APBB2: variants seen among roughly 807,000 people sequenced by gnomAD.
APBB2 encodes the protein amyloid beta precursor protein binding family B member 2.
APBB2 carries 38 observed loss-of-function variants against 82.5 expected under a neutral mutation model. The observed-to-expected ratio is 0.46, with a 90% confidence interval of 0.36 to 0.60. The LOEUF (loss-of-function observed/expected upper bound fraction) is 0.60, where lower values mean the gene tolerates loss of function less well. APBB2 is among the 20% of genes least tolerant of loss of function. APBB2 has a pLI of 0.00. For synonymous variants in APBB2, 341 were observed against 368.2 expected (o/e 0.93, Z 0.85); for missense variants, 772 against 972.3 (o/e 0.79, Z 2.74).
intron 12 of APBB2, among the ~76,000 whole-genome samples, chr4:40,888,833 G>A (rs1021311553): frequency 1.5e-5 from 2 of 135,338 alleles, no homozygotes; most frequent in African/African-American, 5.6e-5. Flanking sequence ...TCGCTCCTGC[G>A]TCGCACACGT....
chr4:40,852,654 T>G (rs949228092), intron 12 of APBB2, among the ~76,000 whole-genome samples: 11 of 152,076 alleles, frequency 7.2e-5, no homozygotes, highest in Non-Finnish European at 1.3e-4. Context: ...CTTTTTTTTT[T>G]TTCTGAGACA....
Position 40,930,904 on chromosome 4 carries a change from T to C in APBB2, c.1254+3552A>G, listed in dbSNP as rs915049985. ...CTGGGACTACAGGCGCCCACCACCA[T>C]GCCCAGCTAATTTTCTGTATTTTTA... On this transcript the variant is annotated intron_variant, in intron 10 of 17. Transcript: ENST00000508593. Among the ~76,000 whole-genome samples, 12 of 152,130 alleles carry C rather than the reference T, an allele frequency of 7.9e-5. No individual in the cohort carries two copies. The East Asian group carries it at 2.1e-3, about 27-fold the overall frequency.
chr4:40,838,417 C>T (rs1754742554), intron 12 of APBB2, among the ~76,000 whole-genome samples: 1 of 144,584 alleles, frequency 6.9e-6, no homozygotes, highest in East Asian at 2.0e-4. Flanking sequence ...CTCACTGCAA[C>T]CTCCGCCTCC....
intron 4 of APBB2, among the ~76,000 whole-genome samples, chr4:41,036,594 A>AT (rs1163416735): frequency 6.6e-6 from 1 of 152,320 alleles, no homozygotes; most frequent in East Asian, 1.9e-4. Context: ...TTACTCACAT[A>AT]AATAAGTTCT....
At chr4:40,987,525 T>A (rs545882167) in intron 6 of APBB2, among the ~76,000 whole-genome samples, 111 of 152,324 alleles carry the variant, frequency 7.3e-4, no homozygotes, top group Non-Finnish European at 1.1e-3. Flanking sequence ...TTTTTTAGAT[T>A]TGACCTTTCA....
At chr4:40,902,788 C>T (rs1056605899) in intron 10 of APBB2, among the ~76,000 whole-genome samples, 3 of 152,120 alleles carry the variant, frequency 2.0e-5, no homozygotes, top group South Asian at 2.1e-4. Context: ...CCTTGGCATC[C>T]GAAAGTGCTG....
intron 12 of APBB2, among the ~76,000 whole-genome samples, chr4:40,858,161 T>C (rs949147784): frequency 1.3e-5 from 2 of 152,062 alleles, no homozygotes; most frequent in Admixed American, 1.3e-4. Flanking sequence ...ATTGGCTAAG[T>C]GACAGCACTT....
In APBB2 at chr4:40,982,386, G is replaced by A. The variant is rs1301681028; in HGVS notation, c.835+31197C>T. Among the ~76,000 whole-genome samples, 54 of 9,174 alleles carry A rather than the reference G, an allele frequency of 5.9e-3. 2 individuals are homozygous for A. Among genetic ancestry groups the A allele is most frequent in the Admixed American group, 9.0e-3 (6 of 668 alleles). 6.0% of individuals were successfully genotyped at this position (9,174 alleles called of 152,430 possible). On this transcript the variant is annotated intron_variant, in intron 6 of 17. Coordinates refer to ENST00000508593, the MANE Select transcript of APBB2 (RefSeq NM_004307.2). ...AGGAAGGAAGGAAGGAAGGAAGGAA[G>A]GAAGGAAAGGAAAGGAAAGAAAGAA...
chr4:41,167,774 T>G (rs555085673), intron 1 of APBB2, among the ~76,000 whole-genome samples: 3 of 151,992 alleles, frequency 2.0e-5, no homozygotes, highest in African/African-American at 7.2e-5. Flanking sequence ...GCTCAAAGCT[T>G]AGGAACAATA....
chr4:40,852,682 C>G (rs1759866265), intron 12 of APBB2, among the ~76,000 whole-genome samples: 1 of 151,924 alleles, frequency 6.6e-6, no homozygotes, highest in African/African-American at 2.4e-5. Flanking sequence ...TCTCTGTCAC[C>G]CAGGCTGGAG....
intron 3 of APBB2, among the ~76,000 whole-genome samples, chr4:41,080,472 A>C (rs1253409283): frequency 4.6e-5 from 7 of 152,226 alleles, no homozygotes; most frequent in Non-Finnish European, 1.0e-4. Context: ...GACGGCTTTC[A>C]TGACAAAGAA....
At chr4:41,132,428 T>C (rs1756312090) in intron 2 of APBB2, among the ~76,000 whole-genome samples, 1 of 152,254 alleles carries the variant, frequency 6.6e-6, no homozygotes, top group African/African-American at 2.4e-5. Context: ...CCTGGCTTTA[T>C]CTGTGCATCA....
intron 6 of APBB2, among the ~76,000 whole-genome samples, chr4:41,013,111 G>A (rs1808854813): frequency 6.6e-6 from 1 of 152,120 alleles, no homozygotes; most frequent in Non-Finnish European, 1.5e-5. Flanking sequence ...TGAACAGATG[G>A]CTAATGTTTT....
chr4:41,099,375 TGCACCA>T (rs1392456917), intron 3 of APBB2, among the ~76,000 whole-genome samples: 1 of 152,134 alleles, frequency 6.6e-6, no homozygotes, highest in Non-Finnish European at 1.5e-5. Context: ...ATTACAGGCA[TGCACCA>T]CCATACCCAG....
chr4:41,092,301 A>AGTCT (rs1741999939), intron 3 of APBB2, among the ~76,000 whole-genome samples: 1 of 152,266 alleles, frequency 6.6e-6, no homozygotes, highest in Non-Finnish European at 1.5e-5. Context: ...ACCAGCTTAC[A>AGTCT]GCAGACTGAA....
chr4:40,985,319 A>G (rs1452214561), intron 6 of APBB2, among the ~76,000 whole-genome samples: 1 of 152,182 alleles, frequency 6.6e-6, no homozygotes, highest in Non-Finnish European at 1.5e-5. Context: ...TAAAATTTCA[A>G]TCTATCTATT....
chr4:41,005,224 G>C (rs886579618), intron 6 of APBB2, among the ~76,000 whole-genome samples: 20 of 152,058 alleles, frequency 1.3e-4, no homozygotes, highest in South Asian at 4.1e-4. Flanking sequence ...CCGAGTAGCT[G>C]GGACTACAGG....
intron 2 of APBB2, among the ~76,000 whole-genome samples, chr4:41,107,999 T>C (rs1002679684): frequency 2.6e-5 from 4 of 152,240 alleles, no homozygotes; most frequent in African/African-American, 9.6e-5. Context: ...ATATATCAGA[T>C]AATATTTATT....
chr4:40,947,692 G>A (rs979576683), intron 6 of APBB2, among the ~76,000 whole-genome samples: 4 of 152,190 alleles, frequency 2.6e-5, no homozygotes, highest in Non-Finnish European at 1.5e-5. Context: ...GCACACCTAC[G>A]GTATTATTAA....
Sources: gnomAD v4.1 joint callset for allele counts (sites outside exome capture counted in the v4.1 genomes callset) on GRCh38, gnomAD v4.1.1 for gene constraint, MANE v1.5 for transcripts, NCBI Gene and HGNC (gene_info 2026-07-23, HGNC 2026-07-21) for gene names.